Variants in ADGRL4 observed in about 807,000 individuals in gnomAD.
ADGRL4 encodes EGF, latrophilin and seven transmembrane domain containing 1.
ADGRL4 carries 90 observed loss-of-function variants against 74.8 expected under a neutral mutation model. The ratio of observed to expected loss-of-function variants is 1.20; its 90% CI spans 1.02 to 1.43. The LOEUF (loss-of-function observed/expected upper bound fraction) is 1.43. ADGRL4 is among the 40% of genes most tolerant of loss of function. The pLI is 0.00. For synonymous variants in ADGRL4, 311 were observed against 279.2 expected (o/e 1.11, Z -1.14); for missense variants, 881 against 814.3 (o/e 1.08, Z -1.00).
chr1:78,990,215 C>G (rs1283712427), intron 2 of ADGRL4, among the ~76,000 whole-genome samples: 1 of 151,898 alleles, frequency 6.6e-6, no homozygotes. Context: ...ATTTTGAACA[C>G]TTGTCATACT....
At chr1:78,976,053 G>A (rs1434519686) in intron 2 of ADGRL4, among the ~76,000 whole-genome samples, 2 of 152,004 alleles carry the variant, frequency 1.3e-5, no homozygotes, top group Non-Finnish European at 1.5e-5. Flanking sequence ...CTTTGAGAGA[G>A]TTCAAGAGGC....
chr1:78,962,557 C>A (rs538934131), intron 2 of ADGRL4, among the ~76,000 whole-genome samples: 3 of 152,146 alleles, frequency 2.0e-5, no homozygotes, highest in South Asian at 2.1e-4. Flanking sequence ...CTGTCTCCCC[C>A]ATCCAAGCTG....
chr1:78,938,047 G>C, intron 5 of ADGRL4, 53 bp downstream of exon 5: 1 of 1,602,732 alleles, frequency 6.2e-7, no homozygotes, highest in Non-Finnish European at 8.5e-7. Context: ...ATTCACAAAT[G>C]AAAGGAAAAA....
intron 3 of ADGRL4, among the ~76,000 whole-genome samples, chr1:78,943,447 C>T (rs1435125861): frequency 6.6e-6 from 1 of 152,184 alleles, no homozygotes; most frequent in Non-Finnish European, 1.5e-5. Context: ...TCACCCAGCG[C>T]TTTCTGCAGC....
At chr1:78,966,223 G>A (rs1232814261) in intron 2 of ADGRL4, among the ~76,000 whole-genome samples, 2 of 152,178 alleles carry the variant, frequency 1.3e-5, no homozygotes, top group African/African-American at 4.8e-5. Context: ...TCTCTCTCCT[G>A]TTCTGGGGTG....
At chr1:78,966,188 CT>C (rs1650052297) in intron 2 of ADGRL4, among the ~76,000 whole-genome samples, 1 of 152,130 alleles carries the variant, frequency 6.6e-6, no homozygotes, top group African/African-American at 2.4e-5. Context: ...AGTTCATGCC[CT>C]TTGCAGCGGG....
intron 2 of ADGRL4, among the ~76,000 whole-genome samples, chr1:78,951,461 C>A: frequency 6.6e-6 from 1 of 152,108 alleles, no homozygotes; most frequent in East Asian, 1.9e-4. Flanking sequence ...TAAACAGATG[C>A]ATATGTCTAC....
At chr1:79,004,792 T>C (rs1372747823) in intron 2 of ADGRL4, among the ~76,000 whole-genome samples, 1 of 152,142 alleles carries the variant, frequency 6.6e-6, no homozygotes, top group African/African-American at 2.4e-5. Flanking sequence ...AGCTGTTGAC[T>C]ATGCCCTCTA....
At chr1:78,999,909 T>C in intron 2 of ADGRL4, among the ~76,000 whole-genome samples, 1 of 151,808 alleles carries the variant, frequency 6.6e-6, no homozygotes, top group East Asian at 1.9e-4. Flanking sequence ...GAAAATGGTA[T>C]TCTTAATTTG....
intron 7 of ADGRL4, among the ~76,000 whole-genome samples, chr1:78,934,393 A>C (rs186932791): frequency 6.8e-4 from 103 of 152,302 alleles, no homozygotes; most frequent in African/African-American, 2.4e-3. Context: ...ACCACAGACA[A>C]AAATTAACTC....
chr1:78,942,570 AT>A, intron 3 of ADGRL4, among the ~76,000 whole-genome samples: 1 of 152,272 alleles, frequency 6.6e-6, no homozygotes, highest in East Asian at 1.9e-4. Flanking sequence ...AACTTATTTG[AT>A]TTTAAACTAA....
chr1:78,989,980 C>T (rs546312615), intron 2 of ADGRL4, among the ~76,000 whole-genome samples: 7 of 152,024 alleles, frequency 4.6e-5, no homozygotes, highest in African/African-American at 1.7e-4. Context: ...AAGGCCCTGA[C>T]TCTCACAATA....
At chr1:78,993,122 A>AT (rs1357798676) in intron 2 of ADGRL4, among the ~76,000 whole-genome samples, 1 of 152,068 alleles carries the variant, frequency 6.6e-6, no homozygotes, top group East Asian at 1.9e-4. Flanking sequence ...TAAACCAAGC[A>AT]TTTTTTGAGG....
At chr1:78,892,950 A>G in intron 13 of ADGRL4, 148 bp downstream of exon 13, 3 of 579,620 alleles carry the variant, frequency 5.2e-6, no homozygotes, top group Non-Finnish European at 8.8e-6. Flanking sequence ...TATACATACT[A>G]AATGCTATTT....
chr1:78,993,557 C>A (rs907115463), intron 2 of ADGRL4, among the ~76,000 whole-genome samples: 1 of 139,928 alleles, frequency 7.1e-6, no homozygotes, highest in Non-Finnish European at 1.5e-5. Flanking sequence ...TAATATGACT[C>A]TAAGCAAAAA....
At chr1:78,954,868 T>TA (rs1458512836) in intron 2 of ADGRL4, among the ~76,000 whole-genome samples, 1 of 152,156 alleles carries the variant, frequency 6.6e-6, no homozygotes, top group Non-Finnish European at 1.5e-5. Context: ...TTTTCCTTTT[T>TA]ATGAATCTGA....
chr1:78,988,188 G>T (rs1314456915), intron 2 of ADGRL4, among the ~76,000 whole-genome samples: 1 of 151,570 alleles, frequency 6.6e-6, no homozygotes, highest in Admixed American at 6.6e-5. Context: ...GTTTATTTCA[G>T]GGCATTTTAG....
chr1:78,917,420 A>G (rs1648898096), intron 12 of ADGRL4, among the ~76,000 whole-genome samples: 1 of 150,702 alleles, frequency 6.6e-6, no homozygotes, highest in Non-Finnish European at 1.5e-5. Context: ...TTTTATATTT[A>G]AAAAGTATAT....
chr1:78,908,857 A>G (rs887559589), intron 12 of ADGRL4, among the ~76,000 whole-genome samples: 1 of 151,992 alleles, frequency 6.6e-6, no homozygotes, highest in Non-Finnish European at 1.5e-5. Flanking sequence ...GACATTTTCT[A>G]CTATGTGTCT....
Sources: gnomAD v4.1 joint callset for allele counts (sites outside exome capture counted in the v4.1 genomes callset) on GRCh38, gnomAD v4.1.1 for gene constraint, MANE v1.5 for transcripts, NCBI Gene and HGNC (gene_info 2026-07-23, HGNC 2026-07-21) for gene names.